GCNT2: variants seen among roughly 807,000 people sequenced by gnomAD.
GCNT2 encodes the protein glucosaminyl (N-acetyl) transferase 2 (I blood group).
Under a neutral mutation model 34.2 loss-of-function variants are expected in GCNT2, and 34 were observed. That is an observed-to-expected ratio of 1.00 (90% CI 0.76 to 1.32). The LOEUF (loss-of-function observed/expected upper bound fraction) is 1.32, where lower values mean the gene tolerates loss of function less well. Ranked by LOEUF, GCNT2 falls within the 40% of genes most tolerant of loss-of-function variation. The pLI, the probability that GCNT2 is intolerant of heterozygous loss-of-function variation, is 0.00. For synonymous variants in GCNT2, 212 were observed against 188.0 expected (o/e 1.13, Z -1.04); for missense variants, 584 against 489.4 (o/e 1.19, Z -1.82).
Position 10,593,076 on chromosome 6 carries a change from A to G in GCNT2, c.926-28275A>G, listed in dbSNP as rs543592591. On this transcript the variant is annotated intron_variant, in intron 3 of 4. Transcript: ENST00000495262. ...GTTAATTCCTAATCTCTAGAACAACATTTTATAAAACAAGACAAATTGGAT... is the reference window on the plus strand; with the variant it reads ...GTTAATTCCTAATCTCTAGAACAACGTTTTATAAAACAAGACAAATTGGAT... 5.3e-5 allele frequency among the ~76,000 whole-genome samples: 8 copies of G among 152,328 alleles called. No homozygotes were observed. In the South Asian group the frequency reaches 1.7e-3, roughly 32 times the overall value.
chr6:10,586,602 C>T lies in GCNT2; in HGVS notation c.926-34749C>T, dbSNP rs370235645. ...CCTGAAAACCAACCGGGAGATAGTT[C>T]AGCATCTGAAAGGATTTAAAGGGAA... On this transcript the variant is annotated intron_variant, in intron 3 of 4. Coordinates refer to ENST00000495262, the MANE Select transcript of GCNT2 (RefSeq NM_145649.5). The T allele has an allele frequency of 4.3e-6, 7 of 1,614,044 alleles. No individual in the cohort carries two copies. The East Asian group carries it at 8.9e-5, about 21-fold the overall frequency.
At chr6:10,609,061 C>G (rs930515668) in intron 3 of GCNT2, among the ~76,000 whole-genome samples, 1 of 152,190 alleles carries the variant, frequency 6.6e-6, no homozygotes, top group Non-Finnish European at 1.5e-5. Flanking sequence ...CAATTCCACC[C>G]TACTGCAGGG....
chr6:10,586,548 G>A (rs1420584011), intron 3 of GCNT2: 28 of 1,613,932 alleles, frequency 1.7e-5, no homozygotes, highest in East Asian at 2.2e-5. Flanking sequence ...CTGGAAGTAC[G>A]TCATCAACAC....
At chr6:10,556,487 T>G in intron 3 of GCNT2, 1 of 1,614,194 alleles carries the variant, frequency 6.2e-7, no homozygotes, top group Non-Finnish European at 8.5e-7. Context: ...TTTTATCGTC[T>G]TCTCTGTGTT....
At position 10,529,802 on chromosome 6, in the gene GCNT2, C is replaced by G; in HGVS notation, c.891C>G (p.Asp297Glu). The change falls in exon 3 of 5, where the codon GAC becomes GAG. Residue 297 changes from aspartate to glutamate, a missense_variant. Transcript: ENST00000495262. ...LSWSKDTYSP[D>E]EHFWVTLNRI... The stretch of plus-strand genomic sequence containing the variant: ...GGTCCAAGGACACCTACAGCCCCGA[C>G]GAACATTTCTGGGTGACACTCAACA... 6.2e-7 allele frequency: 1 copy of G among 1,614,076 alleles called. No individual in the cohort carries two copies. The highest frequency in any genetic ancestry group is 1.1e-5 in the South Asian group (1 of 91,078).
intron 3 of GCNT2, among the ~76,000 whole-genome samples, chr6:10,597,761 C>T (rs1252702673): frequency 6.6e-6 from 1 of 152,076 alleles, no homozygotes; most frequent in Non-Finnish European, 1.5e-5. Flanking sequence ...CACGCCTGGC[C>T]AGGATGTGAG....
chr6:10,521,942 C>T (rs755232067), intron 1 of GCNT2, among the ~76,000 whole-genome samples: 1 of 151,730 alleles, frequency 6.6e-6, no homozygotes, highest in Non-Finnish European at 1.5e-5. Context: ...CTCTGTCACC[C>T]AGGCGAGAGT....
At chr6:10,526,573 C>CTT (rs554726110) in intron 1 of GCNT2, among the ~76,000 whole-genome samples, 2 of 149,668 alleles carry the variant, frequency 1.3e-5, no homozygotes, top group Non-Finnish European at 3.0e-5. Context: ...TTCCTGCGTT[C>CTT]TTTTTTTTTT....
chr6:10,559,100 G>T (rs1762850298), intron 3 of GCNT2, among the ~76,000 whole-genome samples: 2 of 148,094 alleles, frequency 1.4e-5, no homozygotes, highest in African/African-American at 2.5e-5. Flanking sequence ...AGAAAAACAT[G>T]GGTTTTGGTT....
At position 10,586,921 on chromosome 6, in the gene GCNT2, A is replaced by G. The variant is rs1428241917; in HGVS notation, c.926-34430A>G. On this transcript the variant is annotated intron_variant, in intron 3 of 4. Transcript: ENST00000495262. ...ACACTTAATAGGGTTTCAGGTAGGTACTAATTTCCATTCTGATTGATAGAT... is the reference window on the plus strand; with the variant it reads ...ACACTTAATAGGGTTTCAGGTAGGTGCTAATTTCCATTCTGATTGATAGAT... 3.8e-6 allele frequency: 6 copies of G among 1,593,658 alleles called. No individual in the cohort carries two copies. The South Asian group carries it at 5.5e-5, about 15-fold the overall frequency.
chr6:10,582,292 T>A (rs1162040115), intron 3 of GCNT2, among the ~76,000 whole-genome samples: 4 of 85,644 alleles, frequency 4.7e-5, no homozygotes, highest in African/African-American at 1.6e-4. Context: ...ATATATAATA[T>A]TACTATATAT....
intron 3 of GCNT2, among the ~76,000 whole-genome samples, chr6:10,605,936 A>G (rs180909654): frequency 2.2e-4 from 34 of 152,262 alleles, no homozygotes; most frequent in Middle Eastern, 6.8e-3. Flanking sequence ...GTTCTCCCCA[A>G]TGATCTCTCC....
intron 3 of GCNT2, among the ~76,000 whole-genome samples, chr6:10,617,504 A>T (rs1581489884): frequency 6.6e-6 from 1 of 152,198 alleles, no homozygotes; most frequent in Non-Finnish European, 1.5e-5. Context: ...AAGTGGGGCC[A>T]GAGTGGGTGC....
chr6:10,566,262 C>G (rs1763280122), intron 3 of GCNT2, among the ~76,000 whole-genome samples: 1 of 151,880 alleles, frequency 6.6e-6, no homozygotes. Context: ...GACTCCCGTA[C>G]AACGTTGTAC....
intron 1 of GCNT2, among the ~76,000 whole-genome samples, chr6:10,524,403 C>T (rs1761090965): frequency 6.6e-6 from 1 of 152,000 alleles, no homozygotes; most frequent in South Asian, 2.1e-4. Flanking sequence ...CAGGCATGCG[C>T]CACCACGCCC....
chr6:10,584,679 CT>C, intron 3 of GCNT2, among the ~76,000 whole-genome samples: 1 of 152,296 alleles, frequency 6.6e-6, no homozygotes, highest in Non-Finnish European at 1.5e-5. Flanking sequence ...ATGGCGATGA[CT>C]TTTACAAAGC....
At chr6:10,525,986 C>G (rs1761164690) in intron 1 of GCNT2, among the ~76,000 whole-genome samples, 1 of 152,156 alleles carries the variant, frequency 6.6e-6, no homozygotes, top group Non-Finnish European at 1.5e-5. Flanking sequence ...AATTACTTGA[C>G]TAGTTTAGAT....
At chr6:10,560,081 T>C (rs1232017413) in intron 3 of GCNT2, among the ~76,000 whole-genome samples, 2 of 152,194 alleles carry the variant, frequency 1.3e-5, no homozygotes, top group Non-Finnish European at 2.9e-5. Context: ...CAGCCGTTAA[T>C]CAATATCAGC....
intron 3 of GCNT2, among the ~76,000 whole-genome samples, chr6:10,564,051 A>T (rs943238363): frequency 6.6e-6 from 1 of 152,032 alleles, no homozygotes; most frequent in Non-Finnish European, 1.5e-5. Flanking sequence ...TTTCTCTTTC[A>T]TCCTGATATT....
Sources: allele counts gnomAD v4.1 joint callset (sites outside exome capture counted in the v4.1 genomes callset), GRCh38; gene constraint gnomAD v4.1.1; transcripts MANE v1.5; gene names NCBI Gene and HGNC (gene_info 2026-07-23, HGNC 2026-07-21).